The following VSIG10L2 variants were observed in gnomAD, a reference collection of about 807,000 sequenced individuals.
VSIG10L2 encodes V-set and immunoglobulin domain containing 10 like 2, also known as V-set and immunoglobulin domain-containing protein 10-like 2.
In VSIG10L2, 56 loss-of-function variants were observed where a neutral mutation model predicts 67.1. That is an observed-to-expected ratio of 0.83 (90% CI 0.67 to 1.04). The LOEUF is 1.04. Ranked by LOEUF, VSIG10L2 falls within the 50% of genes least tolerant of loss-of-function variation. VSIG10L2 has a pLI of 0.00. For missense variants in VSIG10L2, 843 were observed against 932.8 expected (o/e 0.90, Z 1.25); for synonymous variants, 360 against 396.6 (o/e 0.91, Z 1.10).
In VSIG10L2 at chr11:125,955,066, C is replaced by A. The variant is rs146066720; in HGVS notation, c.2093C>A (p.Pro698His). The change falls in exon 9 of 12, where the codon CCC becomes CAC. Residue 698 changes from proline to histidine, a missense_variant. By Grantham distance (77) the Pro-to-His change is moderately conservative. This residue lies in a region of VSIG10L2 where 397 missense variants were observed against 384.4 expected (regional missense o/e 1.03). Transcript: ENST00000686984. ...PSEVKIPADPPFSAYPAVLGA... is the reference protein window; with the variant it reads ...PSEVKIPADPHFSAYPAVLGA... ...TGCTCTCCCCTCCTAGCGGACCCCC[C>A]CTTCAGCGCCTACCCAGCGGTGTTG... 41 of 1,234,910 alleles carry A rather than the reference C, an allele frequency of 3.3e-5. No individual in the cohort carries two copies. The highest frequency in any genetic ancestry group is 3.3e-4 in the South Asian group (8 of 24,428). The allele number at this position is 1,234,910 out of a possible 1,614,324, so 76.5% of individuals were successfully genotyped here. A position where few individuals can be genotyped will look rare whatever the true frequency, so the allele number is the denominator to read the frequency against.
At chr11:125,950,543 G>GATT (rs2134303890) in intron 4 of VSIG10L2, among the ~76,000 whole-genome samples, 1 of 152,274 alleles carries the variant, frequency 6.6e-6, no homozygotes, top group African/African-American at 2.4e-5. Flanking sequence ...GCCGCTAAGT[G>GATT]ATTATTCCCA....
chr11:125,948,468 G>C lies in VSIG10L2; in HGVS notation c.597G>C (p.Glu199Asp). Residue 199 changes from glutamate to aspartate, a missense_variant, in exon 3 of 12, where the codon GAG (glutamate) becomes GAC (aspartate). This residue lies in a region of VSIG10L2 where 446 missense variants were observed against 548.4 expected (regional missense o/e 0.81). Transcript: ENST00000686984. ...GAGAGGCCCTGGTGGGGGTCACTGAGCCACTATTCCAGCTGGACCCTGTCA... is the reference window on the plus strand; with the variant it reads ...GAGAGGCCCTGGTGGGGGTCACTGACCCACTATTCCAGCTGGACCCTGTCA... ...GLGEALVGVTEPLFQLDPVNR... is the reference protein window; with the variant it reads ...GLGEALVGVTDPLFQLDPVNR... The C allele has an allele frequency of 8.1e-7, 1 of 1,232,420 alleles. No individual in the cohort carries two copies. The highest frequency in any genetic ancestry group is 1.0e-6 in the Non-Finnish European group (1 of 988,156). 76.3% of individuals were successfully genotyped at this position (1,232,420 alleles called of 1,614,324 possible). A position where few individuals can be genotyped will look rare whatever the true frequency, so the allele number is the denominator to read the frequency against.
intron 2 of VSIG10L2, 67 bp from the exon 3 acceptor site, chr11:125,948,238 C>T (rs1027880138): frequency 1.1e-5 from 14 of 1,231,948 alleles, no homozygotes; most frequent in East Asian, 6.3e-5. Flanking sequence ...GGGGTGGGGG[C>T]GCTGGACACA....
At chr11:125,949,717 G>C (rs565648388) in intron 3 of VSIG10L2, among the ~76,000 whole-genome samples, 2 of 152,236 alleles carry the variant, frequency 1.3e-5, no homozygotes, top group South Asian at 4.2e-4. Context: ...CTCAGTCTCA[G>C]GCACATGGGA....
In VSIG10L2 at chr11:125,954,222, T is replaced by C. The variant is rs1437887731; in HGVS notation, c.1922T>C (p.Leu641Pro). 1.6e-6 allele frequency: 2 copies of C among 1,232,120 alleles called. No homozygotes were observed. The highest frequency in any genetic ancestry group is 2.0e-6 in the Non-Finnish European group (2 of 988,066). The allele number at this position is 1,232,120 out of a possible 1,614,324, so 76.3% of individuals were successfully genotyped here. The change falls in exon 8 of 12, where the codon CTG becomes CCG. Residue 641 changes from leucine (L) to proline (P), a missense_variant. By Grantham distance (98) the Leu-to-Pro change is moderately conservative (BLOSUM62 -3). Around this residue, in one of 2 missense-constraint regions of VSIG10L2, gnomAD observed 397 missense variants for 384.4 expected, o/e 1.03. Coordinates refer to ENST00000686984, the MANE Select transcript of VSIG10L2 (RefSeq NM_001365077.2). ...GFLVQRKASA[L>P]GPGAGAWETA... is the part of the protein sequence containing the mutation. Reference sequence around the variant, plus strand: ...CTGGTGCAGCGGAAGGCCAGTGCCCTGGGCCCAGGAGCTGGGGCGTGGGAG... The same window carrying C: ...CTGGTGCAGCGGAAGGCCAGTGCCCCGGGCCCAGGAGCTGGGGCGTGGGAG...
chr11:125,951,889 G>C lies in VSIG10L2; in HGVS notation c.1311G>C (p.Trp437Cys). 6.5e-7 allele frequency: 1 copy of C among 1,533,898 alleles called. No individual in the cohort carries two copies. The highest frequency in any genetic ancestry group is 8.7e-7 in the Non-Finnish European group (1 of 1,145,302). The change falls in exon 6 of 12, where the codon TGG becomes TGC. Residue 437 changes from tryptophan (W) to cysteine (C), a missense_variant. Physicochemically the swap from Trp to Cys is radical, Grantham distance 215. Transcript: ENST00000686984. ...GDQFIMLSCE[W>C]PGGEPPATLG... ...AGTTCATCATGCTGAGCTGCGAGTG[G>C]CCTGGCGGCGAGCCCCCTGCCACGC... is the stretch of plus-strand genomic sequence containing the variant.
rs1395938580 is a variant in VSIG10L2, at chr11:125,953,500, G to A, written c.1596G>A (p.Gln532=). Residue 532 remains glutamine, a synonymous_variant, in exon 7 of 12, where the codon CAG becomes CAA. Transcript: ENST00000686984. ...CSLRGGTPPA[Q]LLWLGPQQQK... ...TCCGCGGGGGCACACCACCTGCCCA[G>A]CTCCTCTGGCTGGGGCCTCAACAAC... The A allele has an allele frequency of 2.4e-6, 3 of 1,232,278 alleles. No homozygotes were observed. Among genetic ancestry groups the A allele is most frequent in the Non-Finnish European group, 3.0e-6 (3 of 988,098 alleles). The allele number at this position is 1,232,278 out of a possible 1,614,324, so 76.3% of individuals were successfully genotyped here. A position where few individuals can be genotyped will look rare whatever the true frequency, so the allele number is the denominator to read the frequency against.
chr11:125,951,873 T>C lies in VSIG10L2; in HGVS notation c.1295T>C (p.Met432Thr), dbSNP rs1383644230. The change falls in exon 6 of 12, where the codon ATG becomes ACG. Residue 432 changes from methionine to threonine, a missense_variant. By Grantham distance (81) the Met-to-Thr change is moderately conservative. This residue lies in a region of VSIG10L2 where 446 missense variants were observed against 548.4 expected (regional missense o/e 0.81). Coordinates refer to ENST00000686984, the MANE Select transcript of VSIG10L2 (RefSeq NM_001365077.2). ...GCCACAATGGGGGACCAGTTCATCATGCTGAGCTGCGAGTGGCCTGGCGGC... is the reference window on the plus strand; with the variant it reads ...GCCACAATGGGGGACCAGTTCATCACGCTGAGCTGCGAGTGGCCTGGCGGC... ...STATMGDQFI[M>T]LSCEWPGGEP... 5.2e-6 allele frequency: 8 copies of C among 1,533,820 alleles called. No individual in the cohort carries two copies. The highest frequency in any genetic ancestry group is 1.4e-5 in the African/African-American group (1 of 73,124).
chr11:125,950,069 C>T lies in VSIG10L2; in HGVS notation c.765C>T (p.Gly255=). 1 of 1,232,364 alleles carries T rather than the reference C, an allele frequency of 8.1e-7. No individual in the cohort carries two copies. The highest frequency in any genetic ancestry group is 1.0e-6 in the Non-Finnish European group (1 of 988,174). The allele number at this position is 1,232,364 out of a possible 1,614,324, so 76.3% of individuals were successfully genotyped here. The change falls in exon 4 of 12, where the codon GGC becomes GGT. Residue 255 remains glycine (G), a synonymous_variant. Transcript: ENST00000686984. ...AGCCGCTGGGACTCACTGAGGAGGG[C>T]TTCTGGGCCAGTGAGAGGGAAGAGG... The part of the protein sequence containing the change: ...TMEPLGLTEE[G]FWASEREEVT...
At chr11:125,949,700 A>C (rs1386366233) in intron 3 of VSIG10L2, among the ~76,000 whole-genome samples, 1 of 152,134 alleles carries the variant, frequency 6.6e-6, no homozygotes, top group Non-Finnish European at 1.5e-5. Context: ...TCTGCTTCCA[A>C]GAGCCCCTCA....
chr11:125,947,591 A>G, intron 1 of VSIG10L2, 95 bp from the exon 2 acceptor site: 1 of 1,231,330 alleles, frequency 8.1e-7, no homozygotes, highest in Non-Finnish European at 1.0e-6. Flanking sequence ...GCCGCTTGGG[A>G]CTGCAGAACC....
At position 125,954,179 on chromosome 11, in the gene VSIG10L2, G is replaced by A. The variant is rs924184064; in HGVS notation, c.1879G>A (p.Gly627Arg). The change falls in exon 8 of 12, where the codon GGG becomes AGG. Residue 627 changes from glycine to arginine, a missense_variant. Around this residue, in one of 2 missense-constraint regions of VSIG10L2, gnomAD observed 397 missense variants for 384.4 expected, o/e 1.03. Transcript: ENST00000686984. ...VQLQWAILGP[G>R]NLTGFLVQRK... ...GCTTCAATGGGCCATCTTAGGACCC[G>A]GGAACCTGACGGGCTTCCTGGTGCA... 3.2e-6 allele frequency: 4 copies of A among 1,232,238 alleles called. No homozygotes were observed. The highest frequency in any genetic ancestry group is 1.5e-5 in the African/African-American group (1 of 64,546). 76.3% of individuals were successfully genotyped at this position (1,232,238 alleles called of 1,614,324 possible). A position where few individuals can be genotyped will look rare whatever the true frequency, so the allele number is the denominator to read the frequency against.
intron 3 of VSIG10L2, among the ~76,000 whole-genome samples, chr11:125,949,725 G>C (rs78839641): frequency 0.013 from 1,949 of 152,224 alleles, 48 homozygotes; most frequent in African/African-American, 0.042. Flanking sequence ...CAGGCACATG[G>C]GAAGCATTGG....
At chr11:125,947,572 C>T in intron 1 of VSIG10L2, 114 bp from the exon 2 acceptor site, 3 of 1,231,028 alleles carry the variant, frequency 2.4e-6, no homozygotes, top group Non-Finnish European at 3.0e-6. Flanking sequence ...CTTCCTGAAC[C>T]CTGCCTGGGC....
intron 8 of VSIG10L2, 135 bp from the exon 9 acceptor site, chr11:125,954,922 T>C: frequency 1.1e-6 from 1 of 931,168 alleles, no homozygotes; most frequent in Non-Finnish European, 1.4e-6. Context: ...ATTCTCTGGG[T>C]CCCCATGTCA....
intron 1 of VSIG10L2, among the ~76,000 whole-genome samples, chr11:125,947,130 C>T (rs1274637475): frequency 1.2e-4 from 18 of 152,078 alleles, no homozygotes; most frequent in African/African-American, 3.6e-4. Flanking sequence ...TGGGCTGATG[C>T]GGGCGGTGTC....
In VSIG10L2 at chr11:125,953,423, G is replaced by A. The variant is rs889296786; in HGVS notation, c.1519G>A (p.Glu507Lys). ...AGAAGCCCCACAGCTGGACGTGGCT[G>A]AGCCCCGCGTGTCAGTGTTGGAGGG... ...QLEAPQLDVA[E>K]PRVSVLEGGE... Residue 507 changes from glutamate (E) to lysine (K), a missense_variant, in exon 7 of 12, where the codon GAG becomes AAG. Glu to Lys is a moderately conservative substitution (Grantham distance 56, BLOSUM62 1). This residue lies in a region of VSIG10L2 where 397 missense variants were observed against 384.4 expected (regional missense o/e 1.03). Transcript: ENST00000686984. 4 of 1,232,316 alleles carry A rather than the reference G, an allele frequency of 3.2e-6. No individual in the cohort carries two copies. The African/African-American group carries it at 4.7e-5, about 14-fold the overall frequency. The allele number at this position is 1,232,316 out of a possible 1,614,324, so 76.3% of individuals were successfully genotyped here. A position where few individuals can be genotyped will look rare whatever the true frequency, so the allele number is the denominator to read the frequency against.
rs1264461432 is a variant in VSIG10L2 at position 125,946,209 on chromosome 11, G to A, written c.82+72G>A. The A allele has an allele frequency of 1.3e-5, 5 of 398,642 alleles. No individual in the cohort carries two copies. Among genetic ancestry groups the A allele is most frequent in the African/African-American group, 6.2e-5 (3 of 48,622 alleles). The allele number at this position is 398,642 out of a possible 1,614,324, so 24.7% of individuals were successfully genotyped here. On this transcript the variant is annotated intron_variant, in intron 1 of 11. Transcript: ENST00000686984. This position sits in a 1 kb window ranked among gnomAD's most constrained non-coding sequence, Gnocchi z 4.4. ...CCCATTATTCCTGCCACTTCCTGGGGGATCCTCCTTTTGCACTCCATTCCA... is the reference window on the plus strand; with the variant it reads ...CCCATTATTCCTGCCACTTCCTGGGAGATCCTCCTTTTGCACTCCATTCCA...
In VSIG10L2 at chr11:125,951,820, T is replaced by G. The variant is rs1213756332; in HGVS notation, c.1242T>G (p.Pro414=). The change falls in exon 6 of 12, where the codon CCT becomes CCG. Residue 414 remains proline (P), a synonymous_variant. Coordinates refer to ENST00000686984, the MANE Select transcript of VSIG10L2 (RefSeq NM_001365077.2). ...AGCCATCATTCCTTCCAGGGGAGCCTCTCGGGAGGCCTACCTGCTGGAGCA... is the reference window on the plus strand; with the variant it reads ...AGCCATCATTCCTTCCAGGGGAGCCGCTCGGGAGGCCTACCTGCTGGAGCA... The part of the protein sequence containing the change: ...PALCTVMLWE[P]LGRPTCWSTA... 16 of 1,501,702 alleles carry G rather than the reference T, an allele frequency of 1.1e-5. No individual in the cohort carries two copies. Among genetic ancestry groups the G allele is most frequent in the Non-Finnish European group, 8.9e-7 (1 of 1,126,852 alleles). The allele number at this position is 1,501,702 out of a possible 1,614,324, so 93.0% of individuals were successfully genotyped here.
Sources: allele counts gnomAD v4.1 joint callset (sites outside exome capture counted in the v4.1 genomes callset), GRCh38; gene constraint gnomAD v4.1.1; regional missense constraint gnomAD v4.1.1; non-coding constraint Gnocchi (gnomAD v3.1); transcripts MANE v1.5; gene names NCBI Gene and HGNC (gene_info 2026-07-23, HGNC 2026-07-21).